Variants in PRKG1 observed in about 807,000 individuals in gnomAD.
The protein encoded by PRKG1 is protein kinase cGMP-dependent 1, also known as cGMP-dependent protein kinase 1.
PRKG1 carries 35 observed loss-of-function variants against 88.1 expected under a neutral mutation model. The ratio of observed to expected loss-of-function variants is 0.40; its 90% CI spans 0.30 to 0.53. PRKG1 has a LOEUF of 0.53. Among genes scored for constraint, PRKG1 ranks in the 20% least tolerant of loss-of-function variants. The pLI, the probability that PRKG1 is intolerant of heterozygous loss-of-function variation, is 0.59. For missense variants in PRKG1, 540 were observed against 839.8 expected (o/e 0.64, Z 4.41); for synonymous variants, 303 against 292.5 (o/e 1.04, Z -0.37).
intron 5 of PRKG1, chr10:51,907,935 T>C (rs1170144229): frequency 5.9e-6 from 1 of 170,456 alleles, no homozygotes; most frequent in Non-Finnish European, 1.2e-5. Flanking sequence ...CTAGGATTAG[T>C]AGTTGGGCAC....
chr10:51,169,538 A>G (rs1846640886), intron 2 of PRKG1, among the ~76,000 whole-genome samples: 1 of 151,538 alleles, frequency 6.6e-6, no homozygotes, highest in East Asian at 1.9e-4. Context: ...TTAAAAAGAC[A>G]GCTCTTATGA....
intron 5 of PRKG1, among the ~76,000 whole-genome samples, chr10:52,003,303 C>G (rs1844647308): frequency 6.6e-6 from 1 of 152,182 alleles, no homozygotes; most frequent in Admixed American, 6.5e-5. Flanking sequence ...ATGCAGCTTT[C>G]TGAAATTTCT....
chr10:51,997,288 T>G (rs1263469376), intron 5 of PRKG1, among the ~76,000 whole-genome samples: 2 of 151,748 alleles, frequency 1.3e-5, no homozygotes, highest in Non-Finnish European at 2.9e-5. Flanking sequence ...CTGGCCAACA[T>G]GGTGAAACCC....
intron 1 of PRKG1, among the ~76,000 whole-genome samples, chr10:51,052,237 C>T (rs1300432020): frequency 6.6e-6 from 1 of 152,068 alleles, no homozygotes; most frequent in Non-Finnish European, 1.5e-5. Flanking sequence ...TTCTTTTATG[C>T]ACCAAAGGGA....
chr10:51,937,945 A>T (rs1433855628), intron 5 of PRKG1, among the ~76,000 whole-genome samples: 1 of 152,094 alleles, frequency 6.6e-6, no homozygotes, highest in East Asian at 1.9e-4. Context: ...ATCATCCCTT[A>T]GTCCAGCATA....
chr10:51,424,046 T>C (rs1465861646), intron 2 of PRKG1, among the ~76,000 whole-genome samples: 2 of 152,152 alleles, frequency 1.3e-5, no homozygotes, highest in Non-Finnish European at 2.9e-5. Flanking sequence ...TGGACTATTA[T>C]GGTACCTAAA....
intron 5 of PRKG1, among the ~76,000 whole-genome samples, chr10:52,016,728 AAG>A (rs1491186991): frequency 2.6e-5 from 4 of 152,348 alleles, no homozygotes; most frequent in African/African-American, 7.2e-5. Flanking sequence ...CAGTGAAAAA[AAG>A]AGAGTCCTTG....
chr10:52,200,107 T>A (rs1839625526), intron 9 of PRKG1, among the ~76,000 whole-genome samples: 1 of 152,142 alleles, frequency 6.6e-6, no homozygotes, highest in South Asian at 2.1e-4. Context: ...AAGTTTGTTA[T>A]GTAGGTAAAT....
intron 3 of PRKG1, among the ~76,000 whole-genome samples, chr10:51,683,489 A>G (rs1395163133): frequency 6.6e-6 from 1 of 152,216 alleles, no homozygotes; most frequent in Non-Finnish European, 1.5e-5. Flanking sequence ...GAGAAAAGAA[A>G]AGCTTTATTG....
At chr10:51,558,503 G>A (rs184718517) in intron 3 of PRKG1, among the ~76,000 whole-genome samples, 2 of 152,168 alleles carry the variant, frequency 1.3e-5, no homozygotes, top group East Asian at 3.9e-4. Flanking sequence ...TTCTTGCCGG[G>A]AAGACATGAA....
intron 5 of PRKG1, among the ~76,000 whole-genome samples, chr10:52,006,918 A>C (rs895199994): frequency 6.6e-6 from 1 of 152,310 alleles, no homozygotes; most frequent in East Asian, 1.9e-4. Flanking sequence ...TCTGGCTAAC[A>C]GTGCACTTTT....
At chr10:52,064,591 T>G (rs572854162) in intron 7 of PRKG1, among the ~76,000 whole-genome samples, 1 of 152,194 alleles carries the variant, frequency 6.6e-6, no homozygotes, top group African/African-American at 2.4e-5. Context: ...GGCTCCTGCT[T>G]CCCCCTGCCT....
chr10:51,410,874 TTTTATA>T (rs970703256), intron 2 of PRKG1, among the ~76,000 whole-genome samples: 8 of 151,706 alleles, frequency 5.3e-5, no homozygotes, highest in African/African-American at 1.9e-4. Flanking sequence ...TTGAAATATA[TTTTATA>T]TTTATATTTA....
chr10:52,174,905 A>AT (rs1838819574), intron 9 of PRKG1, among the ~76,000 whole-genome samples: 1 of 152,066 alleles, frequency 6.6e-6, no homozygotes, highest in Non-Finnish European at 1.5e-5. Context: ...TGTACGGGGT[A>AT]TATAATGATG....
chr10:51,651,924 TAAC>T (rs753187192), intron 3 of PRKG1, among the ~76,000 whole-genome samples: 216 of 152,274 alleles, frequency 1.4e-3, no homozygotes, highest in Non-Finnish European at 2.1e-3. Context: ...ATAGCATCAT[TAAC>T]AACAACAACT....
At chr10:51,503,741 A>G (rs951215400) in intron 3 of PRKG1, among the ~76,000 whole-genome samples, 1 of 152,178 alleles carries the variant, frequency 6.6e-6, no homozygotes, top group African/African-American at 2.4e-5. Flanking sequence ...GAATGTTTGT[A>G]GAGTACTTGA....
intron 2 of PRKG1, among the ~76,000 whole-genome samples, chr10:51,462,406 A>G (rs1368156932): frequency 6.6e-6 from 1 of 152,214 alleles, no homozygotes; most frequent in African/African-American, 2.4e-5. Flanking sequence ...ATAAGGATAA[A>G]CAAAGCCGGG....
chr10:52,024,965 A>G (rs1214582967), intron 5 of PRKG1, among the ~76,000 whole-genome samples: 1 of 152,106 alleles, frequency 6.6e-6, no homozygotes, highest in African/African-American at 2.4e-5. Flanking sequence ...AAGCATTCCT[A>G]TTTCTCCACA....
intron 2 of PRKG1, among the ~76,000 whole-genome samples, chr10:51,248,445 C>T (rs1839348404): frequency 6.6e-6 from 1 of 151,826 alleles, no homozygotes; most frequent in Non-Finnish European, 1.5e-5. Flanking sequence ...TCAAAATGGT[C>T]TGTGCATTTG....
Sources: gnomAD v4.1 joint callset for allele counts (sites outside exome capture counted in the v4.1 genomes callset) on GRCh38, gnomAD v4.1.1 for gene constraint, MANE v1.5 for transcripts, NCBI Gene and HGNC (gene_info 2026-07-23, HGNC 2026-07-21) for gene names.